Variants in ATR observed in about 807,000 individuals in gnomAD.
ATR encodes ATR checkpoint kinase, also known as serine/threonine-protein kinase ATR.
Under a neutral mutation model 305.3 loss-of-function variants are expected in ATR, and 142 were observed. The observed-to-expected ratio is 0.47, with a 90% CI of 0.41 to 0.53. The LOEUF (loss-of-function observed/expected upper bound fraction) is 0.53. ATR is among the 20% of genes least tolerant of loss of function. The pLI, the probability that ATR is intolerant of heterozygous loss-of-function variation, is 0.00. For synonymous variants in ATR, 1,050 were observed against 1,068.1 expected, an observed-to-expected ratio of 0.98 and a Z score of 0.33; for missense variants, 2,135 against 3,133.1, an observed-to-expected ratio of 0.68 and a Z score of 7.60.
chr3:142,565,905 C>A (rs568775128), intron 3 of ATR, among the ~76,000 whole-genome samples: 52 of 152,036 alleles, frequency 3.4e-4, no homozygotes, highest in Admixed American at 1.6e-3. Flanking sequence ...GGCAAATAAA[C>A]AAATTTGATT....
At chr3:142,558,574 A>C (rs767842895) in intron 8 of ATR, 50 bp downstream of exon 8, 1 of 1,457,342 alleles carries the variant, frequency 6.9e-7, no homozygotes, top group Non-Finnish European at 9.5e-7. Context: ...AGATAGATAG[A>C]TAGATAGATA....
chr3:142,568,908 G>A (rs186832446), intron 1 of ATR, among the ~76,000 whole-genome samples: 1 of 152,222 alleles, frequency 6.6e-6, no homozygotes, highest in Non-Finnish European at 1.5e-5. Flanking sequence ...GTAGGCTGAG[G>A]GCAGCTCAAT....
Position 142,457,716 on chromosome 3 carries a change from G to A in ATR, c.7543C>T (p.Leu2515=), listed in dbSNP as rs760275671. The part of the protein sequence containing the change: ...FEVPEIVPFR[L]THNMVNGMGP... ...ATTCCATTAACCATATTATGAGTCA[G>A]GCGAAATGGCACAATTTCTGGAACT... Residue 2515 remains leucine, a synonymous_variant, in exon 45 of 47, where the codon CTG becomes TTG. Coordinates refer to ENST00000350721, the MANE Select transcript of ATR (RefSeq NM_001184.4). The A allele has an allele frequency of 6.6e-5, 107 of 1,613,898 alleles. No individual in the cohort carries two copies. The highest frequency in any genetic ancestry group is 9.0e-5 in the Non-Finnish European group (106 of 1,179,958).
Position 142,524,024 on chromosome 3 carries a change from G to C in ATR, c.4121C>G (p.Thr1374Ser). Residue 1374 changes from threonine (T) to serine (S), a missense_variant, in exon 22 of 47, where the codon ACT becomes AGT. Thr to Ser is a moderately conservative substitution (Grantham distance 58). Coordinates refer to ENST00000350721, the MANE Select transcript of ATR (RefSeq NM_001184.4). ...IDPGRLDFST[T>S]ETQGKDFTFV... ...TGTAAAATCTTTTCCTTGAGTTTCA[G>C]TTGTTGAGAAATCTAATCGACCTGG... The C allele has an allele frequency of 6.2e-7, 1 of 1,614,040 alleles. No homozygotes were observed.
At chr3:142,449,743 A>G in intron 46 of ATR, 141 bp from the exon 47 acceptor site, 1 of 904,418 alleles carries the variant, frequency 1.1e-6, no homozygotes, top group Non-Finnish European at 1.7e-6. Flanking sequence ...CAGGAAAAGA[A>G]GAAATTAAAC....
In ATR at chr3:142,459,351, A is replaced by G; in HGVS notation, c.7225T>C (p.Cys2409Arg). The G allele has an allele frequency of 7.4e-6, 12 of 1,614,012 alleles. No individual in the cohort carries two copies. Among genetic ancestry groups the G allele is most frequent in the Non-Finnish European group, 1.0e-5 (12 of 1,179,876 alleles). Residue 2409 changes from cysteine (C) to arginine (R), a missense_variant, in exon 43 of 47, where the codon TGT (cysteine) becomes CGT (arginine). Transcript: ENST00000350721. ...VYMTGKELRQ[C>R]MLPKSAALSE... ...AAAGCTGCTGACTTTGGTAGCATAC[A>G]CTGGCGAAGTTCTTTTCCTGTCATA...
intron 36 of ATR, among the ~76,000 whole-genome samples, chr3:142,473,640 G>C (rs2108286479): frequency 6.6e-6 from 1 of 151,778 alleles, no homozygotes; most frequent in South Asian, 2.1e-4. Context: ...CCACCTCCCG[G>C]GTTCCAGCAA....
At chr3:142,576,442 C>A (rs979377754) in intron 1 of ATR, among the ~76,000 whole-genome samples, 3 of 152,024 alleles carry the variant, frequency 2.0e-5, no homozygotes, top group Admixed American at 6.6e-5. Flanking sequence ...GAAGACAGCA[C>A]AGATTAAAAG....
intron 36 of ATR, among the ~76,000 whole-genome samples, chr3:142,483,886 T>C (rs2030721959): frequency 6.6e-6 from 1 of 151,282 alleles, no homozygotes; most frequent in African/African-American, 2.4e-5. Context: ...TATATATATA[T>C]ATAACCACGA....
rs2070829207 is a variant in ATR, at chr3:142,453,141, A to G, written c.7748T>C (p.Val2583Ala). ...CCTTCTACTAACCTTTTCATTGACA[A>G]CTTCTCCAGTTTCATTCAGTGGCGC... is the stretch of plus-strand genomic sequence containing the variant. ...SKAPLNETGE[V>A]VNEKAKTHVL... is the part of the protein sequence containing the mutation. Residue 2583 changes from valine to alanine, a missense_variant, in exon 46 of 47, where the codon GTT (valine) becomes GCT (alanine). Val to Ala is a moderately conservative substitution (Grantham distance 64). Transcript: ENST00000350721. 1.2e-6 allele frequency: 2 copies of G among 1,614,010 alleles called. No homozygotes were observed. Among genetic ancestry groups the G allele is most frequent in the Non-Finnish European group, 1.7e-6 (2 of 1,179,962 alleles).
chr3:142,509,245 C>A (rs891248018), intron 27 of ATR, among the ~76,000 whole-genome samples: 1 of 152,154 alleles, frequency 6.6e-6, no homozygotes, highest in African/African-American at 2.4e-5. Flanking sequence ...TAGCTCACTG[C>A]AGCCTTCACC....
rs1373814931 is a variant in ATR, at chr3:142,493,357, C to T, written c.5899-46G>A. On this transcript the variant is annotated intron_variant, in intron 34 of 46. Transcript: ENST00000350721. ...ATAAGCCTTTTAATTTAAAAACATA[C>T]TTCTATTTTCTGCAAAAGTATTAGT... 4 of 1,521,968 alleles carry T rather than the reference C, an allele frequency of 2.6e-6. No individual in the cohort carries two copies. In the South Asian group the frequency reaches 4.8e-5, roughly 18 times the overall value. The allele number at this position is 1,521,968 out of a possible 1,614,324, so 94.3% of individuals were successfully genotyped here.
intron 8 of ATR, among the ~76,000 whole-genome samples, chr3:142,557,169 C>T (rs1393987572): frequency 6.6e-6 from 1 of 151,962 alleles, no homozygotes; most frequent in African/African-American, 2.4e-5. Flanking sequence ...TTCTTTCTCT[C>T]TCTTTTTTTT....
chr3:142,572,321 G>C (rs1270009375), intron 1 of ATR, among the ~76,000 whole-genome samples: 4 of 143,556 alleles, frequency 2.8e-5, no homozygotes, highest in East Asian at 4.1e-4. Context: ...CATCCGCCTC[G>C]GTCTCCCAAA....
At chr3:142,483,955 T>C (rs913427861) in intron 36 of ATR, among the ~76,000 whole-genome samples, 5 of 152,092 alleles carry the variant, frequency 3.3e-5, no homozygotes, top group Non-Finnish European at 5.9e-5. Context: ...GATGAGGGTC[T>C]GGAATGAGAA....
At chr3:142,499,536 C>T (rs965294384) in intron 31 of ATR, 91 bp downstream of exon 31, 8 of 1,143,534 alleles carry the variant, frequency 7.0e-6, no homozygotes, top group African/African-American at 6.1e-5. Context: ...CCTCATGATC[C>T]GCCCGCCTCA....
chr3:142,498,531 A>C, intron 32 of ATR, 66 bp downstream of exon 32: 1 of 1,516,476 alleles, frequency 6.6e-7, no homozygotes, highest in Non-Finnish European at 9.0e-7. Flanking sequence ...TTACTCAAAA[A>C]AATTTTCCAA....
intron 24 of ATR, among the ~76,000 whole-genome samples, chr3:142,519,171 T>C (rs2033035036): frequency 1.3e-5 from 2 of 152,194 alleles, no homozygotes; most frequent in South Asian, 4.1e-4. Context: ...TTTAAAGTTG[T>C]AGAATTTAAC....
rs553117366 is a variant in ATR, at chr3:142,498,495, A to G, written c.5558+102T>C. On this transcript the variant is annotated intron_variant, in intron 32 of 46. Coordinates refer to ENST00000350721, the MANE Select transcript of ATR (RefSeq NM_001184.4). ...AAAGAGCTGTCTAGTGTAGCTATGC[A>G]TGAAACCAAACTCACTATCAATTAT... is the stretch of plus-strand genomic sequence containing the variant. 5.3e-6 allele frequency: 6 copies of G among 1,130,750 alleles called. No individual in the cohort carries two copies. In the East Asian group the frequency reaches 7.7e-5, roughly 14 times the overall value. The allele number at this position is 1,130,750 out of a possible 1,614,324, so 70.0% of individuals were successfully genotyped here.
Sources: allele counts gnomAD v4.1 joint callset (sites outside exome capture counted in the v4.1 genomes callset), GRCh38; gene constraint gnomAD v4.1.1; transcripts MANE v1.5; gene names NCBI Gene and HGNC (gene_info 2026-07-23, HGNC 2026-07-21).